Variants in CD38 observed in about 807,000 individuals in gnomAD.
CD38 encodes CD38 molecule, also known as ADP-ribosyl cyclase/cyclic ADP-ribose hydrolase 1.
Under a neutral mutation model 36.3 loss-of-function variants are expected in CD38, and 31 were observed. The ratio of observed to expected loss-of-function variants is 0.85; its 90% CI spans 0.64 to 1.15. CD38 has a LOEUF of 1.15. CD38 is among the 50% of genes most tolerant of loss of function. The pLI is 0.00. For missense variants in CD38, 380 were observed against 371.9 expected, an observed-to-expected ratio of 1.02 and a Z score of -0.18; for synonymous variants, 131 against 135.2, an observed-to-expected ratio of 0.97 and a Z score of 0.22.
chr4:15,811,395 A>C (rs1242579829), intron 1 of CD38, among the ~76,000 whole-genome samples: 1 of 152,134 alleles, frequency 6.6e-6, no homozygotes, highest in East Asian at 1.9e-4. Flanking sequence ...AGAATTTTCT[A>C]ATTTTACCTT....
At chr4:15,800,210 C>A (rs1723189667) in intron 1 of CD38, among the ~76,000 whole-genome samples, 1 of 152,148 alleles carries the variant, frequency 6.6e-6, no homozygotes, top group Non-Finnish European at 1.5e-5. Context: ...CTCACAGGTT[C>A]GTTTTCTCTA....
chr4:15,800,220 A>G (rs1189659457), intron 1 of CD38, among the ~76,000 whole-genome samples: 1 of 152,166 alleles, frequency 6.6e-6, no homozygotes, highest in Non-Finnish European at 1.5e-5. Context: ...CGTTTTCTCT[A>G]AAATAAACCT....
intron 2 of CD38, among the ~76,000 whole-genome samples, chr4:15,821,694 CAAAA>C (rs59688929): frequency 9.0e-5 from 7 of 77,800 alleles, no homozygotes; most frequent in South Asian, 4.7e-4. Context: ...AAATACCAAC[CAAAA>C]AAAAAAAAAA....
chr4:15,783,184 G>C (rs181555635), intron 1 of CD38, among the ~76,000 whole-genome samples: 367 of 152,302 alleles, frequency 2.4e-3, no homozygotes, highest in Non-Finnish European at 4.3e-3. Context: ...TGTCAGAGCT[G>C]ACAGCATCTC....
At chr4:15,790,905 G>A (rs1394504751) in intron 1 of CD38, among the ~76,000 whole-genome samples, 3 of 149,304 alleles carry the variant, frequency 2.0e-5, no homozygotes, top group Non-Finnish European at 3.0e-5. Flanking sequence ...CTGCCCGGCC[G>A]CCCCGTCTGA....
intron 1 of CD38, among the ~76,000 whole-genome samples, chr4:15,786,781 C>T (rs11946901): frequency 0.21 from 32,553 of 152,174 alleles, 3,726 homozygotes; most frequent in African/African-American, 0.25. Context: ...GAGCAGGGCG[C>T]GGTGCTCGTC....
At chr4:15,813,687 G>A (rs1258370699) in intron 1 of CD38, among the ~76,000 whole-genome samples, 1 of 152,150 alleles carries the variant, frequency 6.6e-6, no homozygotes, top group Non-Finnish European at 1.5e-5. Context: ...TTATGAGTGA[G>A]AAGACGTGGT....
At chr4:15,820,903 A>G (rs1723718137) in intron 2 of CD38, among the ~76,000 whole-genome samples, 1 of 152,226 alleles carries the variant, frequency 6.6e-6, no homozygotes, top group African/African-American at 2.4e-5. Context: ...TTGGTGCCAC[A>G]TGGCATCTAC....
intron 1 of CD38, among the ~76,000 whole-genome samples, chr4:15,790,366 C>G (rs575736412): frequency 4.6e-5 from 7 of 151,590 alleles, no homozygotes; most frequent in Non-Finnish European, 4.4e-5. Flanking sequence ...TTGGTGGAGA[C>G]GGGGTTTTGC....
intron 7 of CD38, among the ~76,000 whole-genome samples, chr4:15,847,671 GC>G (rs1406151825): frequency 7.4e-6 from 1 of 135,550 alleles, no homozygotes; most frequent in African/African-American, 2.8e-5. Context: ...AAGATATGTT[GC>G]ATGGAGAAAA....
chr4:15,821,797 A>C (rs945296015), intron 2 of CD38, among the ~76,000 whole-genome samples: 5 of 151,890 alleles, frequency 3.3e-5, no homozygotes, highest in African/African-American at 1.2e-4. Context: ...CTGTTCCAAA[A>C]AATTGAAAAG....
In CD38 at chr4:15,851,027, G is replaced by A. The variant is rs1724371527; in HGVS notation, c.*2425G>A. The A allele has an allele frequency of 6.6e-6, 1 of 152,198 alleles. No individual in the cohort carries two copies. The highest frequency in any genetic ancestry group is 2.4e-5 in the African/African-American group (1 of 41,424). 9.4% of individuals were successfully genotyped at this position (152,198 alleles called of 1,614,324 possible). The stretch of plus-strand genomic sequence containing the variant: ...AAATCAATTTTTGAAATTTCCCCTA[G>A]GAAGACTCATTTGAGTGTTCAAGTT... On this transcript the variant is annotated 3_prime_UTR_variant, in exon 8 of 8. Transcript: ENST00000226279.
intron 3 of CD38, among the ~76,000 whole-genome samples, chr4:15,831,274 C>T (rs1252791012): frequency 2.0e-5 from 3 of 152,076 alleles, no homozygotes; most frequent in Non-Finnish European, 4.4e-5. Flanking sequence ...CTGATTGGCT[C>T]ATCATTTAGT....
At chr4:15,816,939 A>C in intron 2 of CD38, among the ~76,000 whole-genome samples, 1 of 152,238 alleles carries the variant, frequency 6.6e-6, no homozygotes, top group East Asian at 1.9e-4. Flanking sequence ...AAACAAATTA[A>C]CACGACCTAT....
chr4:15,786,116 T>C (rs972685207), intron 1 of CD38, among the ~76,000 whole-genome samples: 3 of 152,210 alleles, frequency 2.0e-5, no homozygotes, highest in African/African-American at 7.2e-5. Context: ...ATAAAAGCAC[T>C]GTGGACCCAA....
chr4:15,781,752 C>T (rs1003108748), intron 1 of CD38, among the ~76,000 whole-genome samples: 4 of 152,200 alleles, frequency 2.6e-5, no homozygotes, highest in Non-Finnish European at 4.4e-5. Context: ...CATGCCTGGG[C>T]GAATTGCCAC....
intron 1 of CD38, among the ~76,000 whole-genome samples, chr4:15,800,023 G>A (rs1359344244): frequency 6.6e-6 from 1 of 152,142 alleles, no homozygotes; most frequent in Non-Finnish European, 1.5e-5. Flanking sequence ...GACTCGGGGG[G>A]TATGCCTGCA....
chr4:15,826,294 G>A (rs1723843088), intron 3 of CD38, among the ~76,000 whole-genome samples: 1 of 152,046 alleles, frequency 6.6e-6, no homozygotes, highest in African/African-American at 2.4e-5. Context: ...TATTTAAAAT[G>A]TACACGCGCT....
intron 1 of CD38, among the ~76,000 whole-genome samples, chr4:15,787,089 T>C (rs1331847505): frequency 2.0e-5 from 3 of 152,188 alleles, no homozygotes; most frequent in African/African-American, 7.2e-5. Flanking sequence ...CGCCTCTCTC[T>C]CTACACCTCC....
Sources: allele counts gnomAD v4.1 joint callset (sites outside exome capture counted in the v4.1 genomes callset), GRCh38; gene constraint gnomAD v4.1.1; transcripts MANE v1.5; gene names NCBI Gene and HGNC (gene_info 2026-07-23, HGNC 2026-07-21).